DHX9: variants seen among roughly 807,000 people sequenced by gnomAD.
The protein encoded by DHX9 is DExH-box helicase 9, also known as ATP-dependent RNA helicase A.
A neutral mutation model predicts 148.7 loss-of-function variants in DHX9; 27 were observed. The observed-to-expected ratio is 0.18, with a 90% CI of 0.13 to 0.25. The LOEUF (loss-of-function observed/expected upper bound fraction) is 0.25, where lower values mean the gene tolerates loss of function less well. Ranked by LOEUF, DHX9 falls within the 10% of genes least tolerant of loss-of-function variation. The pLI, the probability that DHX9 is intolerant of heterozygous loss-of-function variation, is 1.00. For missense variants in DHX9, 796 were observed against 1,559.6 expected (o/e 0.51, Z 8.25); for synonymous variants, 529 against 516.6 (o/e 1.02, Z -0.33).
Position 182,855,849 on chromosome 1 carries a change from A to G in DHX9, c.627-683A>G, listed in dbSNP as rs541181466. 1.2e-5 allele frequency: 7 copies of G among 599,956 alleles called. No homozygotes were observed. In the East Asian group the frequency reaches 5.6e-4, roughly 48 times the overall value. 37.2% of individuals were successfully genotyped at this position (599,956 alleles called of 1,614,324 possible). On this transcript the variant is annotated intron_variant, in intron 6 of 27. Transcript: ENST00000367549. ...AAAGGACCAGAATGCATAGTTATCA[A>G]AGGGCAGTTTTTCCCTTGCTAAAAC...
At chr1:182,874,623 C>T (rs186024675) in intron 15 of DHX9, among the ~76,000 whole-genome samples, 10 of 152,228 alleles carry the variant, frequency 6.6e-5, no homozygotes, top group South Asian at 4.2e-4. Flanking sequence ...CCCCAACTGG[C>T]TCTGGGAACA....
At chr1:182,849,203 AT>A (rs112425544) in intron 3 of DHX9, among the ~76,000 whole-genome samples, 6,812 of 152,180 alleles carry the variant, frequency 0.045, 443 homozygotes, top group African/African-American at 0.15. Context: ...TGTAGAGGAT[AT>A]TTTAAAATTT....
intron 27 of DHX9, 72 bp from the exon 28 acceptor site, chr1:182,887,011 G>T (rs977071342): frequency 7.3e-6 from 10 of 1,373,938 alleles, no homozygotes; most frequent in Non-Finnish European, 1.0e-5. Flanking sequence ...ATAACTAAAT[G>T]TGTACATTTG....
chr1:182,870,301 T>C (rs1182504096), intron 14 of DHX9, among the ~76,000 whole-genome samples: 1 of 152,196 alleles, frequency 6.6e-6, no homozygotes, highest in Non-Finnish European at 1.5e-5. Context: ...TCCATATAAC[T>C]TGATGAGGTG....
At chr1:182,885,840 C>T (rs1008215495) in intron 27 of DHX9, among the ~76,000 whole-genome samples, 1 of 152,072 alleles carries the variant, frequency 6.6e-6, no homozygotes, top group African/African-American at 2.4e-5. Context: ...ATTCAATAAC[C>T]GTCATAGGCA....
intron 14 of DHX9, 93 bp from the exon 15 acceptor site, chr1:182,872,244 A>AATT (rs1183083479): frequency 1.9e-6 from 2 of 1,026,480 alleles, no homozygotes; most frequent in African/African-American, 3.2e-5. Context: ...AACTGAATTT[A>AATT]ATTGATGTCT....
chr1:182,886,536 T>G lies in DHX9; in HGVS notation c.3462-547T>G, dbSNP rs550857626. ...TGACTTAGCTGCTGAATTGGTGGTG[T>G]TATTCTCGAAGAAAAGCTGCACAGG... On this transcript the variant is annotated intron_variant, in intron 27 of 27. Coordinates refer to ENST00000367549, the MANE Select transcript of DHX9 (RefSeq NM_001357.5). Among the ~76,000 whole-genome samples, 73 of 152,292 alleles carry G rather than the reference T, an allele frequency of 4.8e-4. 1 individual carries two copies. Among genetic ancestry groups the G allele is most frequent in the Non-Finnish European group, 3.5e-4 (24 of 68,030 alleles).
At chr1:182,867,157 C>T in intron 14 of DHX9, 114 bp downstream of exon 14, 1 of 613,196 alleles carries the variant, frequency 1.6e-6, no homozygotes, top group Admixed American at 3.2e-5. Flanking sequence ...AAACCATGAA[C>T]TTCAGTCACT....
At chr1:182,845,135 C>G (rs1298785184) in intron 3 of DHX9, among the ~76,000 whole-genome samples, 1 of 152,176 alleles carries the variant, frequency 6.6e-6, no homozygotes, top group Non-Finnish European at 1.5e-5. Flanking sequence ...TAGTATCTTA[C>G]AGTCTTTAAT....
chr1:182,873,323 A>G (rs570618885), intron 15 of DHX9, among the ~76,000 whole-genome samples: 3 of 152,330 alleles, frequency 2.0e-5, no homozygotes, highest in South Asian at 2.1e-4. Context: ...TGTGGGGGAA[A>G]AAAAAGAATT....
chr1:182,855,957 T>C (rs916163965), intron 6 of DHX9, among the ~76,000 whole-genome samples: 12 of 152,204 alleles, frequency 7.9e-5, no homozygotes, highest in African/African-American at 2.7e-4. Flanking sequence ...CTGATTTAAA[T>C]AAATGTGATA....
At position 182,878,018 on chromosome 1, in the gene DHX9, T is replaced by G; in HGVS notation, c.2199-3T>G. 6.2e-7 allele frequency: 1 copy of G among 1,614,152 alleles called. No individual in the cohort carries two copies. Among genetic ancestry groups the G allele is most frequent in the Non-Finnish European group, 8.5e-7 (1 of 1,179,996 alleles). The stretch of plus-strand genomic sequence containing the variant: ...TTAGAATTAACCACTTTTTCCTATG[T>G]AGGCAGAAAGTGAAACTCTTCACTG... On this transcript the variant is annotated splice_polypyrimidine_tract_variant and splice_region_variant and intron_variant, in intron 19 of 27. Coordinates refer to ENST00000367549, the MANE Select transcript of DHX9 (RefSeq NM_001357.5).
chr1:182,860,878 C>T lies in DHX9; in HGVS notation c.1332+694C>T, dbSNP rs562723210. Among the ~76,000 whole-genome samples, 329 of 152,336 alleles carry T rather than the reference C, an allele frequency of 2.2e-3. 1 individual carries two copies. The highest frequency in any genetic ancestry group is 0.014 in the Middle Eastern group (4 of 294). ...GTTAAACAGTTCCGTTGGCTCTACC[C>T]TGTACTTCTGGCACTTTGTGGGAGA... On this transcript the variant is annotated intron_variant, in intron 12 of 27. Transcript: ENST00000367549.
At position 182,887,490 on chromosome 1, in the gene DHX9, G is replaced by A. The variant is rs555598563; in HGVS notation, c.*56G>A. The A allele has an allele frequency of 1.2e-4, 176 of 1,450,610 alleles. No homozygotes were observed. Among genetic ancestry groups the A allele is most frequent in the Admixed American group, 1.9e-4 (8 of 42,764 alleles). The allele number at this position is 1,450,610 out of a possible 1,614,324, so 89.9% of individuals were successfully genotyped here. ...CAGTAAGGAAAAAAAGGCATGCTAT[G>A]TGTTACGTGTTTTTTCCAGTATGTT... On this transcript the variant is annotated 3_prime_UTR_variant, in exon 28 of 28. Transcript: ENST00000367549.
chr1:182,860,239 T>C, intron 12 of DHX9, 55 bp downstream of exon 12: 1 of 1,355,238 alleles, frequency 7.4e-7, no homozygotes, highest in Non-Finnish European at 9.9e-7. Flanking sequence ...TCTGATTCTT[T>C]CTTTGATTAA....
chr1:182,861,468 A>AGG (rs1668362618), intron 12 of DHX9, among the ~76,000 whole-genome samples: 1 of 152,156 alleles, frequency 6.6e-6, no homozygotes, highest in Non-Finnish European at 1.5e-5. Context: ...CAAGAGTGCA[A>AGG]TTTTACAGAA....
chr1:182,860,112 G>A lies in DHX9; in HGVS notation c.1260G>A (p.Gln420=), dbSNP rs550443659. Residue 420 remains glutamine, a synonymous_variant, in exon 12 of 28, where the codon CAG becomes CAA. Transcript: ENST00000367549. The part of the protein sequence containing the change: ...RGATGCGKTT[Q]VPQFILDDFI... Reference sequence around the variant, plus strand: ...CTACTGGATGTGGGAAAACCACACAGGTTCCCCAGTTCATTCTAGATGACT... The same window carrying A: ...CTACTGGATGTGGGAAAACCACACAAGTTCCCCAGTTCATTCTAGATGACT... 1.1e-4 allele frequency: 184 copies of A among 1,613,894 alleles called. 3 individuals carry two copies. In the South Asian group the frequency reaches 1.9e-3, roughly 17 times the overall value.
intron 15 of DHX9, among the ~76,000 whole-genome samples, chr1:182,872,743 T>A (rs1648601424): frequency 6.6e-6 from 1 of 152,204 alleles, no homozygotes; most frequent in Admixed American, 6.5e-5. Flanking sequence ...TTTCCAGGCC[T>A]TTACTTATAA....
intron 12 of DHX9, among the ~76,000 whole-genome samples, chr1:182,861,115 C>A (rs1668355358): frequency 6.6e-6 from 1 of 151,948 alleles, no homozygotes; most frequent in South Asian, 2.1e-4. Flanking sequence ...AATTGAGATA[C>A]ATTTTTATAA....
Sources: gnomAD v4.1 joint callset for allele counts (sites outside exome capture counted in the v4.1 genomes callset) on GRCh38, gnomAD v4.1.1 for gene constraint, MANE v1.5 for transcripts, NCBI Gene and HGNC (gene_info 2026-07-23, HGNC 2026-07-21) for gene names.